The following TRMT11 variants were observed in gnomAD, a reference collection of about 807,000 sequenced individuals.
TRMT11 encodes tRNA methyltransferase 11, also known as tRNA (guanine(10)-N(2))-methyltransferase TRMT11.
A neutral mutation model predicts 62.8 loss-of-function variants in TRMT11; 53 were observed. The ratio of observed to expected loss-of-function variants is 0.84; its 90% confidence interval spans 0.68 to 1.06. The LOEUF is 1.06. Among genes scored for constraint, TRMT11 ranks in the 50% least tolerant of loss-of-function variants. The probability of loss-of-function intolerance (pLI) is 0.00; values close to 1 mark genes in which losing one functional copy is unlikely to be tolerated. For missense variants in TRMT11, 556 were observed against 553.4 expected (o/e 1.00, Z -0.05); for synonymous variants, 188 against 190.3 (o/e 0.99, Z 0.10).
intron 17 of TRMT11, among the ~76,000 whole-genome samples, chr6:126,112,481 T>A (rs78967088): frequency 6.6e-6 from 1 of 152,114 alleles, no homozygotes; most frequent in African/African-American, 2.4e-5. Flanking sequence ...GGTAGAGATA[T>A]GAAGCTTCCT....
chr6:126,190,742 T>A (rs1778588736), intron 1 of TRMT11, among the ~76,000 whole-genome samples: 1 of 152,154 alleles, frequency 6.6e-6, no homozygotes, highest in Admixed American at 6.6e-5. Context: ...TGACCCACAG[T>A]TCCCTCCATG....
intron 17 of TRMT11, among the ~76,000 whole-genome samples, chr6:126,061,436 T>A (rs1364240621): frequency 1.3e-5 from 2 of 152,226 alleles, no homozygotes; most frequent in Non-Finnish European, 2.9e-5. Flanking sequence ...CTGCTTTCTC[T>A]GAAATCATTT....
At chr6:126,216,854 CT>C in the TRMT11 span, among the ~76,000 whole-genome samples, 4,428 of 152,252 alleles carry the variant, frequency 0.029, 210 homozygotes, top group African/African-American at 0.099. Context: ...CTCTCTTCCC[CT>C]TTTCATAGTC....
downstream of TRMT11, among the ~76,000 whole-genome samples, chr6:126,041,238 G>A (rs1775870871): frequency 2.0e-5 from 3 of 152,168 alleles, no homozygotes; most frequent in African/African-American, 7.2e-5. Context: ...TAGAGTATGT[G>A]TTAACATCAC....
rs778886955 is a variant in TRMT11 at position 125,998,251 on chromosome 6, A to G, written c.323A>G (p.Tyr108Cys). ...CCATTTCTACATTCGGACTCTACAT[A>G]TAAAATAAAGATTCACACTTTTAAT... The part of the protein sequence containing the change: ...MVPFLHSDST[Y>C]KIKIHTFNKT... Residue 108 changes from tyrosine (Y) to cysteine (C), a missense_variant, in exon 5 of 13, where the codon TAT (tyrosine) becomes TGT (cysteine). By Grantham distance (194) the Tyr-to-Cys change is radical. Coordinates refer to ENST00000334379, the MANE Select transcript of TRMT11 (RefSeq NM_001031712.3). The G allele has an allele frequency of 4.4e-6, 7 of 1,600,892 alleles. No homozygotes were observed. In the South Asian group the frequency reaches 7.7e-5, roughly 18 times the overall value.
At chr6:126,258,998 G>T in the TRMT11 span, among the ~76,000 whole-genome samples, 1 of 151,900 alleles carries the variant, frequency 6.6e-6, no homozygotes, top group Admixed American at 6.6e-5. Context: ...TCCATATGAC[G>T]TGATGTGTGT....
chr6:126,192,108 C>T (rs1778610389), intron 1 of TRMT11, among the ~76,000 whole-genome samples: 1 of 152,110 alleles, frequency 6.6e-6, no homozygotes, highest in South Asian at 2.1e-4. Flanking sequence ...ATTTTGGTGT[C>T]CTCTAATTTC....
intron 21 of TRMT11, among the ~76,000 whole-genome samples, chr6:126,125,338 C>G (rs1217148703): frequency 6.6e-6 from 1 of 151,846 alleles, no homozygotes; most frequent in Non-Finnish European, 1.5e-5. Flanking sequence ...CCAGAAATGT[C>G]TCCAGGTTTT....
intron 21 of TRMT11, among the ~76,000 whole-genome samples, chr6:126,117,926 C>T (rs111812223): frequency 0.014 from 2,117 of 152,130 alleles, 42 homozygotes; most frequent in African/African-American, 0.047. Flanking sequence ...TTATAATATG[C>T]GTTTTGTCCA....
intron 17 of TRMT11, among the ~76,000 whole-genome samples, chr6:126,069,113 G>T (rs1776774127): frequency 6.6e-6 from 1 of 152,252 alleles, no homozygotes; most frequent in African/African-American, 2.4e-5. Context: ...AGTCACAGAA[G>T]ATGCTCAGTA....
Position 125,986,570 on chromosome 6 carries a change from T to C in TRMT11, c.20T>C (p.Leu7Pro). ...GCTGCAATGGCGCTGTCGTGTACCCTTAACAGGTATCTGCTCCTCATGGCG... is the reference window on the plus strand; with the variant it reads ...GCTGCAATGGCGCTGTCGTGTACCCCTAACAGGTATCTGCTCCTCATGGCG... MALSCT[L>P]NRYLLLMAQE... The change falls in exon 1 of 13, where the codon CTT becomes CCT. Residue 7 changes from leucine to proline, a missense_variant. Physicochemically the swap from Leu to Pro is moderately conservative, Grantham distance 98. Transcript: ENST00000334379. The C allele has an allele frequency of 6.3e-7, 1 of 1,592,158 alleles. No homozygotes were observed. The highest frequency in any genetic ancestry group is 1.1e-5 in the South Asian group (1 of 87,392).
At chr6:126,013,398 A>C (rs749882887) in intron 11 of TRMT11, among the ~76,000 whole-genome samples, 6 of 152,078 alleles carry the variant, frequency 3.9e-5, no homozygotes, top group Non-Finnish European at 8.8e-5. Context: ...CTGGGACTAC[A>C]GGCATGCGTC....
At chr6:126,153,493 C>G (rs1028698178) in intron 21 of TRMT11, among the ~76,000 whole-genome samples, 1 of 152,156 alleles carries the variant, frequency 6.6e-6, no homozygotes, top group Non-Finnish European at 1.5e-5. Flanking sequence ...GTTCACTTGA[C>G]ATAAGACTAT....
the TRMT11 span, among the ~76,000 whole-genome samples, chr6:126,232,416 T>G: frequency 6.6e-6 from 1 of 152,156 alleles, no homozygotes; most frequent in African/African-American, 2.4e-5. Context: ...AGAAAACTTT[T>G]TTTTTTTCTG....
intron 1 of TRMT11, among the ~76,000 whole-genome samples, chr6:126,186,785 A>G (rs1778532598): frequency 6.6e-6 from 1 of 152,084 alleles, no homozygotes; most frequent in South Asian, 2.1e-4. Flanking sequence ...TGAATCTTGA[A>G]TACTTCTCTC....
At chr6:126,235,928 T>C in the TRMT11 span, among the ~76,000 whole-genome samples, 1 of 152,246 alleles carries the variant, frequency 6.6e-6, no homozygotes, top group African/African-American at 2.4e-5. Flanking sequence ...CTTGGCTCTT[T>C]AGACAGAGCT....
intron 17 of TRMT11, among the ~76,000 whole-genome samples, chr6:126,098,853 C>T (rs919473099): frequency 8.6e-5 from 13 of 152,038 alleles, no homozygotes; most frequent in African/African-American, 2.9e-4. Context: ...AGGAAATTTC[C>T]ACAAAGGGGA....
chr6:126,107,478 G>A (rs979929243), intron 17 of TRMT11, among the ~76,000 whole-genome samples: 1 of 152,138 alleles, frequency 6.6e-6, no homozygotes, highest in Non-Finnish European at 1.5e-5. Context: ...AATAAGCGAT[G>A]GAGTTTGGGG....
chr6:126,240,575 G>A, the TRMT11 span, among the ~76,000 whole-genome samples: 1 of 152,168 alleles, frequency 6.6e-6, no homozygotes, highest in Non-Finnish European at 1.5e-5. Context: ...TGGAAGTTTT[G>A]TCTCAGAGGA....
Sources: allele counts gnomAD v4.1 joint callset (sites outside exome capture counted in the v4.1 genomes callset), GRCh38; gene constraint gnomAD v4.1.1; transcripts MANE v1.5; gene names NCBI Gene and HGNC (gene_info 2026-07-23, HGNC 2026-07-21).